The following MDGA2 variants were observed in gnomAD, a reference collection of about 807,000 sequenced individuals.
MDGA2 encodes MAM domain containing glycosylphosphatidylinositol anchor 2.
Under a neutral mutation model 117.8 loss-of-function variants are expected in MDGA2, and 40 were observed. That is an observed-to-expected ratio of 0.34 (90% CI 0.26 to 0.44). MDGA2 has a LOEUF of 0.44. Among genes scored for constraint, MDGA2 ranks in the 20% least tolerant of loss-of-function variants. The probability of loss-of-function intolerance (pLI) is 1.00; values close to 1 mark genes in which losing one functional copy is unlikely to be tolerated. For missense variants in MDGA2, 1,123 were observed against 1,250.6 expected, an observed-to-expected ratio of 0.90 and a Z score of 1.54; for synonymous variants, 452 against 439.0, an observed-to-expected ratio of 1.03 and a Z score of -0.37.
chr14:46,950,221 C>A, intron 9 of MDGA2, among the ~76,000 whole-genome samples: 1 of 151,708 alleles, frequency 6.6e-6, no homozygotes, highest in African/African-American at 2.4e-5. Flanking sequence ...CCTAATTTTT[C>A]AGATTTCGCA....
rs1410981472 is a variant in MDGA2 at position 47,312,206 on chromosome 14, G to A, written c.281-10656C>T. Among the ~76,000 whole-genome samples the A allele has an allele frequency of 3.9e-5, 6 of 152,046 alleles. No homozygotes were observed. In the East Asian group the frequency reaches 1.2e-3, roughly 29 times the overall value. On this transcript the variant is annotated intron_variant, in intron 1 of 16. Coordinates refer to ENST00000399232, the MANE Select transcript of MDGA2 (RefSeq NM_001113498.3). ...TTCAATTTTCATTTATTTGAGGATG[G>A]AGTTCTGAAATTCGCTCTGTAAGTA...
rs149147175 is a variant in MDGA2, at chr14:47,553,484, A to G, written c.280+121033T>C. Among the ~76,000 whole-genome samples the G allele has an allele frequency of 4.8e-3, 735 of 152,280 alleles. 7 individuals carry two copies. Among genetic ancestry groups the G allele is most frequent in the African/African-American group, 0.016 (683 of 41,572 alleles). ...GAAATGAATTATATCTTTATTATTTATTTAATGTTTAAATAGCTAATTTTT... is the reference window on the plus strand; with the variant it reads ...GAAATGAATTATATCTTTATTATTTGTTTAATGTTTAAATAGCTAATTTTT... On this transcript the variant is annotated intron_variant, in intron 1 of 16. Transcript: ENST00000399232.
At chr14:47,493,117 T>A (rs1328594639) in intron 1 of MDGA2, among the ~76,000 whole-genome samples, 1 of 151,886 alleles carries the variant, frequency 6.6e-6, no homozygotes. Flanking sequence ...TTGTTAATTC[T>A]ACATTTTAAA....
rs1449471778 is a variant in MDGA2 at position 46,877,505 on chromosome 14, A to C, written c.2421T>G (p.Pro807=). The change falls in exon 12 of 17, where the codon CCT becomes CCG. Residue 807 remains proline (P), a synonymous_variant. Transcript: ENST00000399232. ...TATACTTACTCAAATGAGGATTTACAGGAGCTACAAGAAAAGCAAAAGAAA... is the reference window on the plus strand; with the variant it reads ...TATACTTACTCAAATGAGGATTTACCGGAGCTACAAGAAAAGCAAAAGAAA... ...STIRVIKYSA[P]VNPHLREFHC... The C allele has an allele frequency of 1.3e-6, 2 of 1,512,888 alleles. No individual in the cohort carries two copies. The highest frequency in any genetic ancestry group is 2.4e-5 in the South Asian group (2 of 82,132). The allele number at this position is 1,512,888 out of a possible 1,614,324, so 93.7% of individuals were successfully genotyped here. A position where few individuals can be genotyped will look rare whatever the true frequency, so the allele number is the denominator to read the frequency against.
intron 9 of MDGA2, among the ~76,000 whole-genome samples, chr14:46,928,350 G>A (rs1884410303): frequency 6.6e-6 from 1 of 152,066 alleles, no homozygotes; most frequent in Non-Finnish European, 1.5e-5. Flanking sequence ...CTGGGAACAA[G>A]CTTTATGGAA....
intron 1 of MDGA2, among the ~76,000 whole-genome samples, chr14:47,448,221 G>A (rs1032315828): frequency 1.3e-5 from 2 of 151,854 alleles, no homozygotes; most frequent in Admixed American, 6.6e-5. Flanking sequence ...CAAGATCTCT[G>A]CTCACTGCAA....
chr14:46,911,710 G>C (rs1883711898), intron 10 of MDGA2, among the ~76,000 whole-genome samples: 1 of 152,060 alleles, frequency 6.6e-6, no homozygotes, highest in Non-Finnish European at 1.5e-5. Flanking sequence ...CTAAACAAGA[G>C]TAAAGATCCC....
intron 1 of MDGA2, among the ~76,000 whole-genome samples, chr14:47,452,490 T>C (rs781004700): frequency 4.6e-5 from 7 of 152,096 alleles, no homozygotes; most frequent in South Asian, 2.1e-4. Flanking sequence ...TTCTGACATA[T>C]TGAGACCTTC....
intron 1 of MDGA2, among the ~76,000 whole-genome samples, chr14:47,402,639 T>C (rs553973428): frequency 6.6e-6 from 1 of 152,310 alleles, no homozygotes; most frequent in South Asian, 2.1e-4. Context: ...CATAGACTGT[T>C]CTTTAAAAAT....
intron 1 of MDGA2, among the ~76,000 whole-genome samples, chr14:47,626,856 A>C (rs528941174): frequency 9.9e-5 from 15 of 152,186 alleles, no homozygotes; most frequent in Non-Finnish European, 1.9e-4. Context: ...CCTGCTCCAC[A>C]GCGCCCAGAA....
chr14:47,547,986 T>G (rs570371765), intron 1 of MDGA2, among the ~76,000 whole-genome samples: 3 of 152,328 alleles, frequency 2.0e-5, no homozygotes, highest in African/African-American at 7.2e-5. Context: ...TTTCTGCTAT[T>G]ATTGTCACAC....
At chr14:47,339,475 A>T (rs1890556198) in intron 1 of MDGA2, among the ~76,000 whole-genome samples, 1 of 152,046 alleles carries the variant, frequency 6.6e-6, no homozygotes, top group South Asian at 2.1e-4. Flanking sequence ...TGTTTGGGTC[A>T]TGGGGGCAGA....
intron 13 of MDGA2, 87 bp from the exon 14 acceptor site, chr14:46,873,678 TACAAA>T: frequency 8.1e-7 from 1 of 1,238,032 alleles, no homozygotes; most frequent in South Asian, 1.6e-5. Context: ...ATAGTTTTCA[TACAAA>T]ATAAAGATGG....
At chr14:47,542,061 A>G (rs1895363862) in intron 1 of MDGA2, among the ~76,000 whole-genome samples, 1 of 152,242 alleles carries the variant, frequency 6.6e-6, no homozygotes, top group African/African-American at 2.4e-5. Context: ...ATATAGAGAC[A>G]CAGAGAGAGA....
At chr14:47,034,663 T>C (rs1888775541) in intron 8 of MDGA2, among the ~76,000 whole-genome samples, 1 of 151,948 alleles carries the variant, frequency 6.6e-6, no homozygotes, top group African/African-American at 2.4e-5. Context: ...ACTTCCAGTC[T>C]CCACTTTGCT....
intron 1 of MDGA2, among the ~76,000 whole-genome samples, chr14:47,342,103 A>C (rs1890642528): frequency 6.6e-6 from 1 of 151,934 alleles, no homozygotes; most frequent in Non-Finnish European, 1.5e-5. Flanking sequence ...CGCCTGCCTC[A>C]TCCTCCCAAA....
At chr14:46,866,230 T>G (rs975228121) in intron 14 of MDGA2, among the ~76,000 whole-genome samples, 1 of 151,952 alleles carries the variant, frequency 6.6e-6, no homozygotes, top group Non-Finnish European at 1.5e-5. Flanking sequence ...CCCTCAGAAA[T>G]AATGCCACAT....
At chr14:47,159,256 G>C (rs1480979282) in intron 3 of MDGA2, among the ~76,000 whole-genome samples, 3 of 152,114 alleles carry the variant, frequency 2.0e-5, no homozygotes, top group Non-Finnish European at 4.4e-5. Context: ...ACTGGAAGTT[G>C]GTAGTGGGAG....
chr14:47,119,317 G>A (rs558830381), intron 5 of MDGA2, among the ~76,000 whole-genome samples: 52 of 151,566 alleles, frequency 3.4e-4, no homozygotes, highest in East Asian at 2.0e-3. Context: ...TGCCCGCCTC[G>A]GCCTCCCAAA....
Sources: gnomAD v4.1 joint callset for allele counts (sites outside exome capture counted in the v4.1 genomes callset) on GRCh38, gnomAD v4.1.1 for gene constraint, MANE v1.5 for transcripts, NCBI Gene and HGNC (gene_info 2026-07-23, HGNC 2026-07-21) for gene names.